CREB5: variants seen among roughly 807,000 people sequenced by gnomAD.
CREB5 encodes cyclic AMP-responsive element-binding protein 5.
In CREB5, 19 loss-of-function variants were observed where a neutral mutation model predicts 57.1. That is an observed-to-expected ratio of 0.33 (90% CI 0.23 to 0.49). The LOEUF (loss-of-function observed/expected upper bound fraction) is 0.49, where lower values mean the gene tolerates loss of function less well. CREB5 is among the 20% of genes least tolerant of loss of function. The pLI is 0.99. For synonymous variants in CREB5, 238 were observed against 238.3 expected, an observed-to-expected ratio of 1.00 and a Z score of 0.01; for missense variants, 579 against 671.6, an observed-to-expected ratio of 0.86 and a Z score of 1.52.
At chr7:28,747,628 A>G (rs1804755949) in intron 7 of CREB5, among the ~76,000 whole-genome samples, 1 of 152,214 alleles carries the variant, frequency 6.6e-6, no homozygotes, top group South Asian at 2.1e-4. Flanking sequence ...GAAGCCAGAC[A>G]GCAGGCAAAG....
chr7:28,376,176 CTGTGACTTGGT>C (rs1280948733), intron 1 of CREB5, among the ~76,000 whole-genome samples: 1 of 152,120 alleles, frequency 6.6e-6, no homozygotes, highest in African/African-American at 2.4e-5. Context: ...AGGCCTGGGA[CTGTGACTTGGT>C]TAATGTCACA....
chr7:28,576,651 C>T (rs1462402171), intron 5 of CREB5, among the ~76,000 whole-genome samples: 2 of 152,226 alleles, frequency 1.3e-5, no homozygotes, highest in African/African-American at 4.8e-5. Context: ...CTGTCTCCAA[C>T]ATTTGGTTGC....
chr7:28,474,633 G>A (rs1428266700), intron 1 of CREB5, among the ~76,000 whole-genome samples: 5 of 152,120 alleles, frequency 3.3e-5, no homozygotes, highest in Non-Finnish European at 5.9e-5. Context: ...TTAGAACTGC[G>A]TTTAAGGTCC....
chr7:28,443,682 G>C (rs1020628695), intron 1 of CREB5, among the ~76,000 whole-genome samples: 2 of 152,124 alleles, frequency 1.3e-5, no homozygotes, highest in African/African-American at 4.8e-5. Context: ...GTCAACACAG[G>C]CTCTAGGCCA....
Position 28,696,823 on chromosome 7 carries a change from TATACATACAC to T in CREB5, c.465-21925_465-21916del, listed in dbSNP as rs199992567. 1.1e-4 allele frequency among the ~76,000 whole-genome samples: 16 copies of T among 142,486 alleles called. No homozygotes were observed. The East Asian group carries it at 2.3e-3, about 20-fold the overall frequency. The allele number at this position is 142,486 out of a possible 152,430, so 93.5% of individuals were successfully genotyped here. On this transcript the variant is annotated intron_variant, in intron 5 of 10. Coordinates refer to ENST00000357727, the MANE Select transcript of CREB5 (RefSeq NM_182898.4). Reference sequence around the variant, plus strand: ...ACGTATATATACACATACGTATACGTATACATACACATACGTATATATACACATACGTATA... The same window carrying T: ...ACGTATATATACACATACGTATACGTATACGTATATATACACATACGTATA...
At chr7:28,817,607 T>G (rs1207734260) in intron 9 of CREB5, among the ~76,000 whole-genome samples, 1 of 152,218 alleles carries the variant, frequency 6.6e-6, no homozygotes, top group Non-Finnish European at 1.5e-5. Flanking sequence ...TTACAATAGT[T>G]AAATGTATTA....
chr7:28,531,740 A>G (rs967614053), intron 4 of CREB5, among the ~76,000 whole-genome samples: 1 of 152,142 alleles, frequency 6.6e-6, no homozygotes, highest in Non-Finnish European at 1.5e-5. Flanking sequence ...CTAACTAAAA[A>G]CTGAGGCTAG....
chr7:28,423,415 G>A (rs1303261931), intron 1 of CREB5, among the ~76,000 whole-genome samples: 1 of 152,166 alleles, frequency 6.6e-6, no homozygotes, highest in Non-Finnish European at 1.5e-5. Flanking sequence ...GGGTGAGGGG[G>A]TGCAAGCCTG....
chr7:28,488,312 AC>A, intron 2 of CREB5, 66 bp downstream of exon 2: 1 of 1,467,560 alleles, frequency 6.8e-7, no homozygotes, highest in Non-Finnish European at 9.5e-7. Context: ...AGCAACTCTC[AC>A]CCGGCAATCA....
intron 9 of CREB5, among the ~76,000 whole-genome samples, chr7:28,810,435 A>G (rs1809044186): frequency 1.3e-5 from 2 of 151,984 alleles, no homozygotes; most frequent in South Asian, 4.2e-4. Flanking sequence ...TAATCCCAGC[A>G]CTCTGGGAGG....
intron 1 of CREB5, among the ~76,000 whole-genome samples, chr7:28,403,459 A>C (rs1298364324): frequency 1.3e-5 from 2 of 152,204 alleles, no homozygotes; most frequent in Non-Finnish European, 2.9e-5. Context: ...CTAGTGTCAG[A>C]CATTGTTTTA....
chr7:28,570,487 T>C lies in CREB5; in HGVS notation c.414T>C (p.Pro138=). Residue 138 remains proline (P), a synonymous_variant, in exon 5 of 11, where the codon CCT becomes CCC. Transcript: ENST00000357727. The part of the protein sequence containing the change: ...NVVIQQAMPS[P]QSSSVITQAP... ...TGATTCAGCAAGCCATGCCGTCGCCTCAGTCCAGCTCTGTCATCACTCAGG... is the reference window on the plus strand; with the variant it reads ...TGATTCAGCAAGCCATGCCGTCGCCCCAGTCCAGCTCTGTCATCACTCAGG... 1 of 1,614,122 alleles carries C rather than the reference T, an allele frequency of 6.2e-7. No homozygotes were observed. Among genetic ancestry groups the C allele is most frequent in the Non-Finnish European group, 8.5e-7 (1 of 1,180,010 alleles).
intron 5 of CREB5, among the ~76,000 whole-genome samples, chr7:28,681,543 T>C (rs1378269296): frequency 6.6e-6 from 1 of 152,112 alleles, no homozygotes; most frequent in Non-Finnish European, 1.5e-5. Flanking sequence ...GTCACATTTC[T>C]TAGGGACCTA....
chr7:28,411,732 C>T (rs1443034169), upstream of CREB5, among the ~76,000 whole-genome samples: 1 of 152,096 alleles, frequency 6.6e-6, no homozygotes, highest in East Asian at 1.9e-4. Context: ...TCTTGAAGAA[C>T]ACATGTTTTC....
chr7:28,541,528 G>A (rs370161282), intron 4 of CREB5, among the ~76,000 whole-genome samples: 15 of 152,202 alleles, frequency 9.9e-5, no homozygotes, highest in African/African-American at 3.1e-4. Flanking sequence ...TTAGCTGGGC[G>A]TGGTGGCCGA....
chr7:28,716,971 G>A (rs1031314043), intron 5 of CREB5, among the ~76,000 whole-genome samples: 2 of 151,754 alleles, frequency 1.3e-5, no homozygotes, highest in Admixed American at 6.6e-5. Flanking sequence ...ACTCATCGTT[G>A]TTACAAGCTG....
At chr7:28,425,602 T>C (rs1381086860) in intron 1 of CREB5, among the ~76,000 whole-genome samples, 1 of 152,200 alleles carries the variant, frequency 6.6e-6, no homozygotes, top group Non-Finnish European at 1.5e-5. Context: ...GAATTAGGTC[T>C]CAATAAAGCT....
intron 1 of CREB5, among the ~76,000 whole-genome samples, chr7:28,362,032 C>T (rs1786496360): frequency 6.6e-6 from 1 of 152,152 alleles, no homozygotes; most frequent in South Asian, 2.1e-4. Flanking sequence ...GTGGTGAACC[C>T]TTTACATTTG....
intron 1 of CREB5, among the ~76,000 whole-genome samples, chr7:28,487,596 T>C (rs1013229886): frequency 3.9e-5 from 6 of 152,198 alleles, no homozygotes; most frequent in Admixed American, 2.6e-4. Context: ...AAGAGGGAAT[T>C]GAGGACCACG....
Sources: allele counts gnomAD v4.1 joint callset (sites outside exome capture counted in the v4.1 genomes callset), GRCh38; gene constraint gnomAD v4.1.1; transcripts MANE v1.5; gene names NCBI Gene and HGNC (gene_info 2026-07-23, HGNC 2026-07-21).